Variants in PEAK1 observed in about 807,000 individuals in gnomAD.
The protein encoded by PEAK1 is inactive tyrosine-protein kinase PEAK1.
In PEAK1, 54 loss-of-function variants were observed where a neutral mutation model predicts 124.7. The ratio of observed to expected loss-of-function variants is 0.43; its 90% CI spans 0.35 to 0.54. The LOEUF (loss-of-function observed/expected upper bound fraction) is 0.54, where lower values mean the gene tolerates loss of function less well. Ranked by LOEUF, PEAK1 falls within the 20% of genes least tolerant of loss-of-function variation. The probability of loss-of-function intolerance (pLI) is 0.01; values close to 1 mark genes in which losing one functional copy is unlikely to be tolerated. For missense variants in PEAK1, 2,046 were observed against 2,134.5 expected, an observed-to-expected ratio of 0.96 and a Z score of 0.82; for synonymous variants, 719 against 760.0, an observed-to-expected ratio of 0.95 and a Z score of 0.89.
intron 1 of PEAK1, chr15:77,419,386 G>A: frequency 2.0e-6 from 2 of 985,206 alleles, no homozygotes; most frequent in Non-Finnish European, 2.4e-6. Flanking sequence ...GGGTCAAAGG[G>A]CAGAAAAGAA....
chr15:77,358,375 T>C (rs374532003), intron 2 of PEAK1, among the ~76,000 whole-genome samples: 80 of 152,294 alleles, frequency 5.3e-4, no homozygotes, highest in Non-Finnish European at 9.7e-4. Flanking sequence ...TCCCATTCAC[T>C]GCTAAACACA....
chr15:77,281,356 AT>A (rs1162598315), intron 5 of PEAK1, among the ~76,000 whole-genome samples: 3 of 152,122 alleles, frequency 2.0e-5, no homozygotes, highest in South Asian at 2.1e-4. Flanking sequence ...AATCAAAAAA[AT>A]TTTTTTAACC....
chr15:77,161,242 A>G (rs1026565670), intron 7 of PEAK1, among the ~76,000 whole-genome samples: 1 of 152,218 alleles, frequency 6.6e-6, no homozygotes. Context: ...GCTACAAGTT[A>G]GGCAAACCAT....
intron 2 of PEAK1, among the ~76,000 whole-genome samples, chr15:77,344,516 C>G (rs546367377): frequency 1.6e-4 from 24 of 152,328 alleles, no homozygotes; most frequent in South Asian, 1.2e-3. Context: ...CAACTCTGTT[C>G]TTCTTTTCAA....
At chr15:77,223,743 T>C (rs562268889) in intron 6 of PEAK1, among the ~76,000 whole-genome samples, 5 of 152,156 alleles carry the variant, frequency 3.3e-5, no homozygotes, top group African/African-American at 4.8e-5. Context: ...TGTCCTGTTA[T>C]ATAAACTAAA....
chr15:77,350,107 A>G (rs1010569031), intron 2 of PEAK1: 2 of 985,318 alleles, frequency 2.0e-6, no homozygotes, highest in Non-Finnish European at 2.4e-6. Context: ...ACCCCCAAAT[A>G]GGTCTCTGTT....
At chr15:77,132,048 T>C (rs1218844587) in intron 9 of PEAK1, among the ~76,000 whole-genome samples, 1 of 152,132 alleles carries the variant, frequency 6.6e-6, no homozygotes, top group Non-Finnish European at 1.5e-5. Context: ...CTCATATTTT[T>C]AGGTAGCCCT....
At position 77,133,068 on chromosome 15, in the gene PEAK1, T is replaced by C. The variant is rs2053015573; in HGVS notation, c.4014A>G (p.Ala1338=). The C allele has an allele frequency of 6.2e-7, 1 of 1,614,216 alleles. No homozygotes were observed. The change falls in exon 9 of 10, where the codon GCA becomes GCG. Residue 1338 remains alanine, a synonymous_variant. Coordinates refer to ENST00000682557, the MANE Select transcript of PEAK1 (RefSeq NM_001385026.1). This position sits in a 1 kb window ranked among gnomAD's most constrained non-coding sequence, Gnocchi z 4.2. The stretch of plus-strand genomic sequence containing the variant: ...AAGCAGTATAGTAAACCGCATCACC[T>C]GCCTCACAACATGGTTTGTCACTGG... ...RLTSDKPCCE[A]GDAVYYTASY... is the part of the protein sequence containing the mutation.
chr15:77,327,338 A>G (rs2065639772), intron 2 of PEAK1, among the ~76,000 whole-genome samples: 2 of 151,692 alleles, frequency 1.3e-5, no homozygotes, highest in Non-Finnish European at 2.9e-5. Context: ...GGGCAAGGGT[A>G]TGTTTAAACT....
intron 2 of PEAK1, among the ~76,000 whole-genome samples, chr15:77,316,478 C>T (rs2064880600): frequency 6.6e-6 from 1 of 152,186 alleles, no homozygotes; most frequent in Non-Finnish European, 1.5e-5. Context: ...GTTCCCAAAG[C>T]AGGTTAAGTC....
intron 2 of PEAK1, among the ~76,000 whole-genome samples, chr15:77,301,473 C>G (rs779422189): frequency 3.3e-5 from 5 of 152,096 alleles, no homozygotes; most frequent in Non-Finnish European, 7.4e-5. Context: ...CTTAGGGGAG[C>G]GGGGATCATC....
chr15:77,162,641 G>A (rs969776053), intron 7 of PEAK1, among the ~76,000 whole-genome samples: 5 of 152,210 alleles, frequency 3.3e-5, no homozygotes, highest in African/African-American at 1.2e-4. Flanking sequence ...ATTTCATTAG[G>A]AGATGTTTAA....
chr15:77,265,622 A>T (rs1483119470), intron 5 of PEAK1, among the ~76,000 whole-genome samples: 1 of 151,912 alleles, frequency 6.6e-6, no homozygotes. Context: ...GCTGGAGAGG[A>T]TGTGGAGAAA....
At chr15:77,345,348 A>G (rs1206102673) in intron 2 of PEAK1, among the ~76,000 whole-genome samples, 1 of 152,176 alleles carries the variant, frequency 6.6e-6, no homozygotes, top group Admixed American at 6.5e-5. Flanking sequence ...GGCATATCTC[A>G]TTCATTCAAA....
At chr15:77,177,380 G>A (rs558440246) in intron 7 of PEAK1, among the ~76,000 whole-genome samples, 21 of 152,196 alleles carry the variant, frequency 1.4e-4, no homozygotes, top group Admixed American at 9.2e-4. Flanking sequence ...TAGTTGCTTT[G>A]TTACTACATG....
At chr15:77,115,521 C>T (rs1176684491) in intron 9 of PEAK1, among the ~76,000 whole-genome samples, 33 of 152,112 alleles carry the variant, frequency 2.2e-4, no homozygotes, top group Non-Finnish European at 1.5e-5. Context: ...CTGTGGTGAG[C>T]ACTTTAAGTG....
rs547266773 is a variant in PEAK1 at position 77,402,827 on chromosome 15, G to GA, written c.-666+17178dup. The stretch of plus-strand genomic sequence containing the variant: ...AGGATAGATAAAAGCCATGTTGTAT[G>GA]AAAAAAAAAATGCCCTAACGAATGG... On this transcript the variant is annotated intron_variant, in intron 1 of 9. Coordinates refer to ENST00000682557, the MANE Select transcript of PEAK1 (RefSeq NM_001385026.1). 1.0e-3 allele frequency: 973 copies of GA among 945,736 alleles called. 8 individuals are homozygous for GA. The East Asian group carries it at 0.033, about 32-fold the overall frequency. The allele number at this position is 945,736 out of a possible 1,614,324, so 58.6% of individuals were successfully genotyped here. A position where few individuals can be genotyped will look rare whatever the true frequency, so the allele number is the denominator to read the frequency against.
chr15:77,201,232 CTTTTT>C (rs11363810), intron 6 of PEAK1, among the ~76,000 whole-genome samples: 9 of 77,260 alleles, frequency 1.2e-4, no homozygotes, highest in Admixed American at 3.9e-4. Flanking sequence ...GCCTTTGTGT[CTTTTT>C]TTTTTTTTTT....
intron 8 of PEAK1, chr15:77,156,496 T>C (rs4886511): frequency 0.66 from 100,989 of 153,702 alleles, 34,156 homozygotes; most frequent in Non-Finnish European, 0.76. Context: ...CACGGTGTGC[T>C]GCACCCACTG....
Sources: allele counts gnomAD v4.1 joint callset (sites outside exome capture counted in the v4.1 genomes callset), GRCh38; gene constraint gnomAD v4.1.1; non-coding constraint Gnocchi (gnomAD v3.1); transcripts MANE v1.5; gene names NCBI Gene and HGNC (gene_info 2026-07-23, HGNC 2026-07-21).